Variants in NAALADL2 observed in about 807,000 individuals in gnomAD.
NAALADL2 encodes inactive N-acetylated-alpha-linked acidic dipeptidase-like protein 2.
A neutral mutation model predicts 87.2 loss-of-function variants in NAALADL2; 76 were observed. The observed-to-expected ratio is 0.87, with a 90% CI of 0.72 to 1.05. NAALADL2 has a LOEUF of 1.05. Ranked by LOEUF, NAALADL2 falls within the 50% of genes least tolerant of loss-of-function variation. The pLI, the probability that NAALADL2 is intolerant of heterozygous loss-of-function variation, is 0.00. For synonymous variants in NAALADL2, 354 were observed against 331.0 expected, an observed-to-expected ratio of 1.07 and a Z score of -0.75; for missense variants, 1,089 against 945.8, an observed-to-expected ratio of 1.15 and a Z score of -1.99.
chr3:174,942,550 CTG>C (rs1243752310), intron 1 of NAALADL2, among the ~76,000 whole-genome samples: 2 of 151,904 alleles, frequency 1.3e-5, no homozygotes, highest in Non-Finnish European at 1.5e-5. Flanking sequence ...CAGGAGTTTT[CTG>C]TGTTTCCTGA....
In NAALADL2 at chr3:174,847,892, C is replaced by T. The variant is rs778559008; in HGVS notation, c.-9+110146C>T. On this transcript the variant is annotated intron_variant, in intron 3 of 3. Transcript: ENST00000434257. ...AGCTGAACATAGAATTTCTCTTCAA[C>T]TCTTTGGATTTTTGACATACTGGAT... Among the ~76,000 whole-genome samples, 377 of 151,370 alleles carry T rather than the reference C, an allele frequency of 2.5e-3. 2 individuals carry two copies. The highest frequency in any genetic ancestry group is 3.8e-3 in the Non-Finnish European group (260 of 67,850).
chr3:175,505,299 G>A (rs1420645128), intron 9 of NAALADL2, among the ~76,000 whole-genome samples: 1 of 150,548 alleles, frequency 6.6e-6, no homozygotes, highest in Non-Finnish European at 1.5e-5. Flanking sequence ...CCTGAAGACA[G>A]AGATGTCAGA....
chr3:175,107,551 T>A (rs895776012), intron 2 of NAALADL2, among the ~76,000 whole-genome samples: 1 of 149,458 alleles, frequency 6.7e-6, no homozygotes. Context: ...CACACACACA[T>A]CCTATACGTT....
At chr3:174,566,835 G>T (rs1714338366) in intron 2 of NAALADL2, among the ~76,000 whole-genome samples, 1 of 150,672 alleles carries the variant, frequency 6.6e-6, no homozygotes, top group African/African-American at 2.4e-5. Flanking sequence ...GCTGGTGTTT[G>T]GGGAGTCTGT....
intron 9 of NAALADL2, among the ~76,000 whole-genome samples, chr3:175,525,327 C>T (rs925269495): frequency 6.6e-6 from 1 of 151,874 alleles, no homozygotes. Flanking sequence ...TGGGTAAAAC[C>T]GAAGTATTTT....
At chr3:175,660,297 T>A (rs1380834859) in intron 11 of NAALADL2, among the ~76,000 whole-genome samples, 1 of 152,112 alleles carries the variant, frequency 6.6e-6, no homozygotes, top group Non-Finnish European at 1.5e-5. Flanking sequence ...TATTCAGTCT[T>A]CCTGCATCAA....
At position 174,869,994 on chromosome 3, in the gene NAALADL2, C is replaced by T. The variant is rs1727607631; in HGVS notation, c.43+10544C>T. On this transcript the variant is annotated intron_variant, in intron 1 of 13. Transcript: ENST00000454872. ...CTGGGCAACAAGAGCGACAAAACTC[C>T]GTCCCCACCCGCCAAAAAAAAAAAA... Among the ~76,000 whole-genome samples the T allele has an allele frequency of 3.6e-5, 5 of 139,622 alleles. No homozygotes were observed. The South Asian group carries it at 1.2e-3, about 33-fold the overall frequency. 91.6% of individuals were successfully genotyped at this position (139,622 alleles called of 152,430 possible).
At chr3:174,811,607 A>T (rs1720219545) in intron 3 of NAALADL2, among the ~76,000 whole-genome samples, 1 of 152,160 alleles carries the variant, frequency 6.6e-6, no homozygotes, top group African/African-American at 2.4e-5. Flanking sequence ...TTTTTATTTT[A>T]TGAGCTCATA....
chr3:175,600,631 A>G (rs573011516), intron 10 of NAALADL2, among the ~76,000 whole-genome samples: 169 of 128,658 alleles, frequency 1.3e-3, no homozygotes, highest in African/African-American at 4.2e-3. Context: ...TCCGCCTCCC[A>G]GGTTCACGCC....
Position 175,393,319 on chromosome 3 carries a change from G to A in NAALADL2, c.1091-53910G>A, listed in dbSNP as rs1425956333. On this transcript the variant is annotated intron_variant, in intron 5 of 13. Coordinates refer to ENST00000454872, the MANE Select transcript of NAALADL2 (RefSeq NM_207015.3). The stretch of plus-strand genomic sequence containing the variant: ...AAAAAAAAAAAAAAAAAAAAAAATT[G>A]TAGAGTTGTTTCAGGAATAAAGTCA... Among the ~76,000 whole-genome samples, 7 of 95,010 alleles carry A rather than the reference G, an allele frequency of 7.4e-5. No homozygotes were observed. The East Asian group carries it at 1.8e-3, about 25-fold the overall frequency. The allele number at this position is 95,010 out of a possible 152,430, so 62.3% of individuals were successfully genotyped here.
chr3:175,628,141 C>T (rs897429272), intron 11 of NAALADL2, among the ~76,000 whole-genome samples: 2 of 151,650 alleles, frequency 1.3e-5, no homozygotes, highest in African/African-American at 4.8e-5. Flanking sequence ...TAGTAGAAAT[C>T]CTACATCAAG....
rs139693839 is a variant in NAALADL2, at chr3:174,627,967, G to C, written c.-115+77330G>C. ...GGAGGGTGAGACGGGAGTGAGGGAT[G>C]TAATACTATGTATTGGGTACAATGT... On this transcript the variant is annotated intron_variant, in intron 2 of 3. Transcript: ENST00000434257. Among the ~76,000 whole-genome samples the C allele has an allele frequency of 4.6e-5, 7 of 152,310 alleles. No homozygotes were observed. The East Asian group carries it at 1.2e-3, about 25-fold the overall frequency.
intron 1 of NAALADL2, among the ~76,000 whole-genome samples, chr3:174,522,240 A>G (rs1720348833): frequency 1.3e-5 from 2 of 152,174 alleles, no homozygotes; most frequent in Non-Finnish European, 2.9e-5. Flanking sequence ...CAATGGACTG[A>G]GTGTTTTATG....
chr3:174,470,093 A>T (rs982285168), intron 1 of NAALADL2, among the ~76,000 whole-genome samples: 1 of 148,648 alleles, frequency 6.7e-6, no homozygotes, highest in Admixed American at 6.9e-5. Flanking sequence ...TAACACTACT[A>T]TATATCCATA....
At chr3:174,851,925 A>G (rs1417641506) in intron 3 of NAALADL2, among the ~76,000 whole-genome samples, 2 of 152,176 alleles carry the variant, frequency 1.3e-5, no homozygotes, top group African/African-American at 4.8e-5. Context: ...GGTTCAACAT[A>G]TGCAAATCAA....
intron 11 of NAALADL2, among the ~76,000 whole-genome samples, chr3:175,671,880 A>G (rs888090024): frequency 1.3e-5 from 2 of 152,094 alleles, no homozygotes; most frequent in African/African-American, 4.8e-5. Context: ...CAATGATTGT[A>G]TAATGAGTTT....
At chr3:175,269,717 A>G (rs1352739091) in intron 4 of NAALADL2, among the ~76,000 whole-genome samples, 1 of 152,192 alleles carries the variant, frequency 6.6e-6, no homozygotes, top group Admixed American at 6.5e-5. Flanking sequence ...CCAATGTTGT[A>G]CATTTATTTT....
In NAALADL2 at chr3:175,777,169, A is replaced by G. The variant is rs1204288385; in HGVS notation, c.2189+21751A>G. ...AAAGGTCTATTTTGTTGTTTCTTTC[A>G]GAAGCTTTTTTTCTGTCATCTGTGA... On this transcript the variant is annotated intron_variant, in intron 13 of 13. Coordinates refer to ENST00000454872, the MANE Select transcript of NAALADL2 (RefSeq NM_207015.3). Among the ~76,000 whole-genome samples, 3 of 151,912 alleles carry G rather than the reference A, an allele frequency of 2.0e-5. No homozygotes were observed. The South Asian group carries it at 6.2e-4, about 32-fold the overall frequency.
chr3:174,534,219 A>G (rs1372165905), intron 1 of NAALADL2, among the ~76,000 whole-genome samples: 1 of 152,208 alleles, frequency 6.6e-6, no homozygotes, highest in African/African-American at 2.4e-5. Flanking sequence ...TAAAACTAGG[A>G]CATTGTTTAA....
Sources: gnomAD v4.1 joint callset for allele counts (sites outside exome capture counted in the v4.1 genomes callset) on GRCh38, gnomAD v4.1.1 for gene constraint, MANE v1.5 for transcripts, NCBI Gene and HGNC (gene_info 2026-07-23, HGNC 2026-07-21) for gene names.